Variants in RANBP1 observed in about 807,000 individuals in gnomAD.
The protein encoded by RANBP1 is RAN binding protein 1.
RANBP1 carries 16 observed loss-of-function variants against 31.4 expected under a neutral mutation model. That is an observed-to-expected ratio of 0.51 (90% CI 0.34 to 0.77). The LOEUF is 0.77. RANBP1 is among the 30% of genes least tolerant of loss of function. The pLI is 0.01. For synonymous variants in RANBP1, 129 were observed against 140.5 expected, an observed-to-expected ratio of 0.92 and a Z score of 0.58; for missense variants, 265 against 362.0, an observed-to-expected ratio of 0.73 and a Z score of 2.17.
rs148001210 is a variant in RANBP1, at chr22:20,125,559, G to T, written c.670+123G>T. On this transcript the variant is annotated intron_variant, in intron 4 of 5. Transcript: ENST00000430524. ...GGGGGCAGTAACTGGGAAGTGTGTC[G>T]TGTGGGCTGCCCTGCCCTGCTGTTT... The T allele has an allele frequency of 6.3e-4, 968 of 1,535,198 alleles. 13 individuals are homozygous for T. The East Asian group carries it at 0.021, about 34-fold the overall frequency.
At chr22:20,117,971 G>A (rs1302091232) in intron 1 of RANBP1, 15 of 1,003,346 alleles carry the variant, frequency 1.5e-5, no homozygotes, top group Non-Finnish European at 2.4e-6. Flanking sequence ...GAACTGGTGC[G>A]GGCGGCGGGT....
intron 2 of RANBP1, 51 bp downstream of exon 2, chr22:20,119,200 A>T: frequency 6.4e-7 from 1 of 1,561,728 alleles, no homozygotes; most frequent in South Asian, 1.1e-5. Flanking sequence ...TGAGGTTACA[A>T]CTTTTATGGG....
chr22:20,126,633 A>G (rs2050306755), intron 5 of RANBP1: 1 of 1,519,504 alleles, frequency 6.6e-7, no homozygotes, highest in Non-Finnish European at 8.9e-7. Flanking sequence ...GTGCTTTATG[A>G]TGGTCCTCGG....
At chr22:20,116,957 C>T in intron 1 of RANBP1, 1 of 1,565,822 alleles carries the variant, frequency 6.4e-7, no homozygotes, top group Non-Finnish European at 8.7e-7. Flanking sequence ...GGCCGCCTGG[C>T]CACCTCGTCC....
intron 2 of RANBP1, among the ~76,000 whole-genome samples, chr22:20,120,921 A>G (rs2050157069): frequency 6.6e-6 from 1 of 152,208 alleles, no homozygotes; most frequent in Non-Finnish European, 1.5e-5. Flanking sequence ...CACCTGATCC[A>G]TGTTGTCCCT....
chr22:20,116,873 C>T, intron 1 of RANBP1: 4 of 1,604,030 alleles, frequency 2.5e-6, no homozygotes, highest in Middle Eastern at 1.7e-4. Flanking sequence ...AGCGTCTCCC[C>T]GCACTCTACC....
At chr22:20,120,495 T>C (rs1055848157) in intron 2 of RANBP1, among the ~76,000 whole-genome samples, 1 of 152,198 alleles carries the variant, frequency 6.6e-6, no homozygotes, top group Admixed American at 6.5e-5. Context: ...TCCAGGGGCA[T>C]CCTGTTGGGG....
intron 1 of RANBP1, among the ~76,000 whole-genome samples, chr22:20,118,546 C>A (rs4589855): frequency 0.076 from 11,616 of 152,248 alleles, 557 homozygotes; most frequent in African/African-American, 0.13. Flanking sequence ...CCTAATTAGT[C>A]AAAACTGAAA....
intron 1 of RANBP1, 122 bp downstream of exon 1, chr22:20,116,552 C>A (rs762579927): frequency 5.0e-6 from 8 of 1,593,690 alleles, no homozygotes; most frequent in Non-Finnish European, 6.8e-6. Flanking sequence ...GGCACCGAGA[C>A]GGTAGGGCAG....
chr22:20,116,987 G>C (rs562025555), intron 1 of RANBP1: 2 of 1,494,256 alleles, frequency 1.3e-6, no homozygotes, highest in South Asian at 2.4e-5. Context: ...CACAAGGGAA[G>C]TGGCCTGTCA....
At chr22:20,120,233 G>A (rs578010616) in intron 2 of RANBP1, among the ~76,000 whole-genome samples, 14 of 152,342 alleles carry the variant, frequency 9.2e-5, no homozygotes, top group Admixed American at 9.1e-4. Flanking sequence ...CCTGGGAAAG[G>A]AGAGCTGTGT....
Position 20,125,349 on chromosome 22 carries a change from C to T in RANBP1, c.583C>T (p.Arg195Cys), listed in dbSNP as rs746834606. The change falls in exon 4 of 6, where the codon CGT becomes TGT. Residue 195 changes from arginine (R) to cysteine (C), a missense_variant. Arg to Cys is a radical substitution (Grantham distance 180, BLOSUM62 -3). Coordinates refer to ENST00000430524, the MANE Select transcript of RANBP1 (RefSeq NM_001278639.2). ...MELKPNAGSD[R>C]AWVWNTHADF... is the part of the protein sequence containing the mutation. Reference sequence around the variant, plus strand: ...GCTGAAGCCCAACGCAGGTAGCGACCGTGCCTGGGTCTGGAACACCCACGC... The same window carrying T: ...GCTGAAGCCCAACGCAGGTAGCGACTGTGCCTGGGTCTGGAACACCCACGC... 1 of 1,611,702 alleles carries T rather than the reference C, an allele frequency of 6.2e-7. No individual in the cohort carries two copies.
At chr22:20,121,174 G>A (rs750719762) in intron 2 of RANBP1, among the ~76,000 whole-genome samples, 8 of 151,966 alleles carry the variant, frequency 5.3e-5, no homozygotes, top group Non-Finnish European at 8.8e-5. Flanking sequence ...AGGATGGTCT[G>A]GATCTCCTGA....
intron 3 of RANBP1, among the ~76,000 whole-genome samples, chr22:20,123,394 GGT>G (rs1331695799): frequency 2.1e-5 from 2 of 94,846 alleles, no homozygotes; most frequent in Non-Finnish European, 4.3e-5. Flanking sequence ...GGGGTGTTGG[GGT>G]GTGTGTTGTC....
rs376294440 is a variant in RANBP1 at position 20,126,283 on chromosome 22, C to T, written c.671-20C>T. 2 of 1,608,312 alleles carry T rather than the reference C, an allele frequency of 1.2e-6. No individual in the cohort carries two copies. The highest frequency in any genetic ancestry group is 1.7e-5 in the Admixed American group (1 of 59,814). On this transcript the variant is annotated intron_variant, in intron 4 of 5. Transcript: ENST00000430524. ...CCACTGCTCACAGCTCTTAGGAAGT[C>T]TTCGCTCTCCCTTCCACAGATGCAC... is the stretch of plus-strand genomic sequence containing the variant.
chr22:20,126,506 C>T, intron 5 of RANBP1, 138 bp downstream of exon 5: 1 of 1,591,816 alleles, frequency 6.3e-7, no homozygotes, highest in South Asian at 1.1e-5. Flanking sequence ...CAGAGTGATG[C>T]AGCTCCCTGG....
chr22:20,117,410 G>A (rs1169862420), intron 1 of RANBP1: 1 of 1,210,256 alleles, frequency 8.3e-7, no homozygotes, highest in African/African-American at 1.6e-5. Flanking sequence ...AGCGCGGGGC[G>A]GGCCGGACAA....
intron 3 of RANBP1, among the ~76,000 whole-genome samples, chr22:20,123,765 T>A (rs2050238995): frequency 6.6e-6 from 1 of 152,014 alleles, no homozygotes. Context: ...TAGGTTGTCC[T>A]GAGTATGGCT....
Position 20,119,021 on chromosome 22 carries a change from T to C in RANBP1, c.255T>C (p.His85=). 1.9e-6 allele frequency: 3 copies of C among 1,612,508 alleles called. No individual in the cohort carries two copies. Among genetic ancestry groups the C allele is most frequent in the Non-Finnish European group, 2.5e-6 (3 of 1,179,842 alleles). ...SSSLKISEDT[H]EDHDTSTENT... ...TCTTTGTATCTCCACAGGACACTCA[T>C]GAGGACCATGATACTTCCACTGAGA... The change falls in exon 2 of 6, where the codon CAT becomes CAC. Residue 85 remains histidine, a synonymous_variant. Transcript: ENST00000430524.
Sources: allele counts gnomAD v4.1 joint callset (sites outside exome capture counted in the v4.1 genomes callset), GRCh38; gene constraint gnomAD v4.1.1; transcripts MANE v1.5; gene names NCBI Gene and HGNC (gene_info 2026-07-23, HGNC 2026-07-21).